NBN: variants seen among roughly 807,000 people sequenced by gnomAD.
The protein encoded by NBN is nibrin.
A neutral mutation model predicts 90.8 loss-of-function variants in NBN; 88 were observed. The ratio of observed to expected loss-of-function variants is 0.97; its 90% confidence interval spans 0.82 to 1.16. NBN has a LOEUF of 1.16. Among genes scored for constraint, NBN ranks in the 50% most tolerant of loss-of-function variants. The pLI is 0.00. For synonymous variants in NBN, 328 were observed against 295.1 expected, an observed-to-expected ratio of 1.11 and a Z score of -1.14; for missense variants, 894 against 869.6, an observed-to-expected ratio of 1.03 and a Z score of -0.35.
chr8:89,984,047 G>A (rs1342347414), intron 1 of NBN, among the ~76,000 whole-genome samples: 1 of 152,214 alleles, frequency 6.6e-6, no homozygotes, highest in African/African-American at 2.4e-5. Context: ...TGATGACATT[G>A]TGGAAAAGGA....
Position 89,934,122 on chromosome 8 carries a change from CTT to C in NBN, c.*1458_*1459del. On this transcript the variant is annotated 3_prime_UTR_variant, in exon 16 of 16. Transcript: ENST00000265433. The stretch of plus-strand genomic sequence containing the variant: ...CAATATTAATCTGTCCATTATATTC[CTT>C]AACTGTAAAATGGAGACCATATGTT... 4.3e-6 allele frequency: 1 copy of C among 230,178 alleles called. No individual in the cohort carries two copies. Among genetic ancestry groups the C allele is most frequent in the Non-Finnish European group, 8.6e-6 (1 of 116,240 alleles). 14.3% of individuals were successfully genotyped at this position (230,178 alleles called of 1,614,324 possible).
intron 7 of NBN, among the ~76,000 whole-genome samples, chr8:89,965,434 T>C (rs924890494): frequency 1.3e-5 from 2 of 152,076 alleles, no homozygotes; most frequent in Non-Finnish European, 2.9e-5. Flanking sequence ...ATATAAAAAT[T>C]ACACCTCAAA....
At chr8:89,970,982 A>G (rs972082470) in intron 6 of NBN, among the ~76,000 whole-genome samples, 191 bp downstream of exon 6, 3 of 152,204 alleles carry the variant, frequency 2.0e-5, no homozygotes, top group African/African-American at 4.8e-5. Context: ...CAGTTATCAC[A>G]GATTTTAAGA....
chr8:89,974,516 T>C (rs1336128746), intron 5 of NBN, among the ~76,000 whole-genome samples: 2 of 152,256 alleles, frequency 1.3e-5, no homozygotes, highest in African/African-American at 2.4e-5. Context: ...TCCTGTTTCA[T>C]GGATGCTGGC....
intron 4 of NBN, among the ~76,000 whole-genome samples, chr8:89,978,780 C>G (rs1586102718): frequency 6.6e-6 from 1 of 151,924 alleles, no homozygotes; most frequent in African/African-American, 2.4e-5. Context: ...TGTAACTATG[C>G]AATAAAGCCT....
In NBN at chr8:89,982,737, A is replaced by G. The variant is rs777925415; in HGVS notation, c.156T>C (p.Phe52=). ...SRNHAVLTAN[F]SVTNLSQTDE... is the part of the protein sequence containing the mutation. ...AGTAACATACCAGGTTGGTTACAGA[A>G]AAGTTAGCAGTTAACACAGCATGAT... The change falls in exon 2 of 16, where the codon TTT becomes TTC. Residue 52 remains phenylalanine (F), a synonymous_variant. Transcript: ENST00000265433. 5 of 1,613,674 alleles carry G rather than the reference A, an allele frequency of 3.1e-6. No homozygotes were observed. Among genetic ancestry groups the G allele is most frequent in the Middle Eastern group, 1.6e-4 (1 of 6,080 alleles).
intron 12 of NBN, among the ~76,000 whole-genome samples, chr8:89,947,169 T>C (rs1164643079): frequency 6.6e-6 from 1 of 152,186 alleles, no homozygotes; most frequent in Non-Finnish European, 1.5e-5. Context: ...CCATTACTCT[T>C]ATCTGATATA....
Position 89,982,417 on chromosome 8 carries a change from C to T in NBN, c.171+305G>A, listed in dbSNP as rs117969173. On this transcript the variant is annotated intron_variant, in intron 2 of 15. Coordinates refer to ENST00000265433, the MANE Select transcript of NBN (RefSeq NM_002485.5). ...GGCAAAAACAGCAATTACTTTTGCA[C>T]CAAACTAATAGTAAACAATAAATGT... The T allele has an allele frequency of 1.3e-5, 5 of 398,548 alleles. No individual in the cohort carries two copies. The East Asian group carries it at 2.2e-4, about 17-fold the overall frequency. 24.7% of individuals were successfully genotyped at this position (398,548 alleles called of 1,614,324 possible). A position where few individuals can be genotyped will look rare whatever the true frequency, so the allele number is the denominator to read the frequency against.
chr8:89,982,806 T>C lies in NBN; in HGVS notation c.87A>G (p.Lys29=), dbSNP rs1812135551. 6.2e-7 allele frequency: 1 copy of C among 1,613,656 alleles called. No individual in the cohort carries two copies. The highest frequency in any genetic ancestry group is 8.5e-7 in the Non-Finnish European group (1 of 1,179,718). ...CATTTTCAATCAGAATGGCACAGTT[T>C]TTCCTTCCAACAACGTACTCAACGC... ...LTGVEYVVGR[K]NCAILIENDQ... The change falls in exon 2 of 16, where the codon AAA becomes AAG. Residue 29 remains lysine (K), a synonymous_variant. Coordinates refer to ENST00000265433, the MANE Select transcript of NBN (RefSeq NM_002485.5).
intron 4 of NBN, 27 bp downstream of exon 4, chr8:89,980,707 A>C: frequency 6.3e-7 from 1 of 1,582,086 alleles, no homozygotes; most frequent in Non-Finnish European, 8.7e-7. Context: ...ACTTATTTTT[A>C]ACATAAGAAC....
At chr8:89,976,273 C>T (rs900758840) in intron 5 of NBN, among the ~76,000 whole-genome samples, 9 of 152,206 alleles carry the variant, frequency 5.9e-5, no homozygotes, top group Non-Finnish European at 1.2e-4. Flanking sequence ...CAGGGCTGGC[C>T]TGCTTTCATA....
At chr8:89,967,383 TA>T (rs777904676) in intron 7 of NBN, among the ~76,000 whole-genome samples, 8 of 152,250 alleles carry the variant, frequency 5.3e-5, no homozygotes, top group Non-Finnish European at 8.8e-5. Flanking sequence ...AAAACTGGGC[TA>T]GGGGTAACCA....
At chr8:89,976,031 G>A (rs190751951) in intron 5 of NBN, among the ~76,000 whole-genome samples, 19 of 151,778 alleles carry the variant, frequency 1.3e-4, no homozygotes, top group African/African-American at 2.9e-4. Flanking sequence ...TTTTTGAGTC[G>A]CCCAGGCTGG....
intron 14 of NBN, among the ~76,000 whole-genome samples, chr8:89,939,393 G>C (rs1235997092): frequency 2.6e-5 from 4 of 151,826 alleles, no homozygotes; most frequent in Admixed American, 6.6e-5. Context: ...AAGTGATTTG[G>C]TGAAATCATC....
chr8:89,967,265 G>C (rs1811299186), intron 7 of NBN, among the ~76,000 whole-genome samples: 1 of 152,174 alleles, frequency 6.6e-6, no homozygotes, highest in Non-Finnish European at 1.5e-5. Context: ...CAATGGAATA[G>C]TGTCCTATCC....
At chr8:89,948,256 T>C (rs1358779350) in intron 11 of NBN, among the ~76,000 whole-genome samples, 1 of 152,222 alleles carries the variant, frequency 6.6e-6, no homozygotes, top group South Asian at 2.1e-4. Flanking sequence ...AAAGAGAAAA[T>C]ACCAAAATAT....
chr8:89,958,759 C>T lies in NBN; in HGVS notation c.1090G>A (p.Val364Ile), dbSNP rs765403660. 2 of 1,614,062 alleles carry T rather than the reference C, an allele frequency of 1.2e-6. No individual in the cohort carries two copies. Among genetic ancestry groups the T allele is most frequent in the Middle Eastern group, 1.7e-4 (1 of 6,060 alleles). ...PSAPVNTTTYVADTESEQADT... is the reference protein window; with the variant it reads ...PSAPVNTTTYIADTESEQADT... ...GCTTGCTCTGATTCTGTGTCAGCTA[C>T]GTATGTTGTAGTGTTCACTGGGGCG... Residue 364 changes from valine to isoleucine, a missense_variant, in exon 9 of 16, where the codon GTA (valine) becomes ATA (isoleucine). Coordinates refer to ENST00000265433, the MANE Select transcript of NBN (RefSeq NM_002485.5).
At chr8:89,975,421 T>A (rs1811707137) in intron 5 of NBN, among the ~76,000 whole-genome samples, 1 of 152,234 alleles carries the variant, frequency 6.6e-6, no homozygotes, top group Non-Finnish European at 1.5e-5. Flanking sequence ...TGAATCTTTT[T>A]TCTGTTAATT....
intron 7 of NBN, among the ~76,000 whole-genome samples, chr8:89,965,542 G>A (rs1811214831): frequency 6.6e-6 from 1 of 150,940 alleles, no homozygotes; most frequent in African/African-American, 2.4e-5. Context: ...AGGCTGGAGA[G>A]CAGTGGTGCA....
Sources: gnomAD v4.1 joint callset for allele counts (sites outside exome capture counted in the v4.1 genomes callset) on GRCh38, gnomAD v4.1.1 for gene constraint, MANE v1.5 for transcripts, NCBI Gene and HGNC (gene_info 2026-07-23, HGNC 2026-07-21) for gene names.